Variants in CMIP observed in about 807,000 individuals in gnomAD.
CMIP encodes the protein c-Maf inducing protein.
A neutral mutation model predicts 97.3 loss-of-function variants in CMIP; 13 were observed. That is an observed-to-expected ratio of 0.13 (90% CI 0.09 to 0.21). CMIP has a LOEUF of 0.21. CMIP is among the 10% of genes least tolerant of loss of function. CMIP has a pLI of 1.00. For synonymous variants in CMIP, 538 were observed against 436.3 expected, an observed-to-expected ratio of 1.23 and a Z score of -2.91; for missense variants, 847 against 1,024.9, an observed-to-expected ratio of 0.83 and a Z score of 2.37.
At chr16:81,513,267 T>A (rs1047616689) in intron 1 of CMIP, among the ~76,000 whole-genome samples, 23 of 152,250 alleles carry the variant, frequency 1.5e-4, no homozygotes, top group African/African-American at 5.5e-4. Flanking sequence ...AGTGTGGGGC[T>A]TCCTGCCAGC....
At chr16:81,481,275 C>G (rs1379118730) in intron 1 of CMIP, among the ~76,000 whole-genome samples, 1 of 152,236 alleles carries the variant, frequency 6.6e-6, no homozygotes, top group African/African-American at 2.4e-5. Context: ...GTGTCACCCT[C>G]ATCTGGGTGT....
intron 11 of CMIP, among the ~76,000 whole-genome samples, chr16:81,692,440 G>C (rs999930913): frequency 6.6e-6 from 1 of 152,198 alleles, no homozygotes; most frequent in East Asian, 1.9e-4. Flanking sequence ...TGAAGAGAAG[G>C]CTTTGTCAAA....
chr16:81,488,073 A>G (rs1348373816), intron 1 of CMIP, among the ~76,000 whole-genome samples: 1 of 147,980 alleles, frequency 6.8e-6, no homozygotes, highest in Non-Finnish European at 1.5e-5. Flanking sequence ...ATTGTTGGCA[A>G]GACGCCGTTT....
rs1378361368 is a variant in CMIP, at chr16:81,504,390, C to T, written c.300+58849C>T. Among the ~76,000 whole-genome samples the T allele has an allele frequency of 2.0e-5, 3 of 151,804 alleles. No homozygotes were observed. The East Asian group carries it at 5.8e-4, about 29-fold the overall frequency. On this transcript the variant is annotated intron_variant, in intron 1 of 20. Coordinates refer to ENST00000537098, the MANE Select transcript of CMIP (RefSeq NM_198390.3). Reference sequence around the variant, plus strand: ...GGGCACCATGGCTCATGCCTGTAATCTTAGCACTTTGGGAGGCCAAGGCAG... The same window carrying T: ...GGGCACCATGGCTCATGCCTGTAATTTTAGCACTTTGGGAGGCCAAGGCAG...
intron 1 of CMIP, among the ~76,000 whole-genome samples, chr16:81,584,695 C>A (rs970575431): frequency 3.3e-5 from 5 of 152,210 alleles, no homozygotes; most frequent in African/African-American, 1.2e-4. Context: ...CCGGCGCCGT[C>A]CATCATCCGA....
At chr16:81,635,819 G>A (rs1438738112) in intron 3 of CMIP, among the ~76,000 whole-genome samples, 1 of 152,066 alleles carries the variant, frequency 6.6e-6, no homozygotes, top group Non-Finnish European at 1.5e-5. Flanking sequence ...TTCCTGCTGT[G>A]GCATTAAGCT....
intron 13 of CMIP, among the ~76,000 whole-genome samples, chr16:81,694,044 G>C (rs774016733): frequency 6.6e-6 from 1 of 152,224 alleles, no homozygotes; most frequent in Non-Finnish European, 1.5e-5. Flanking sequence ...CGCATCATCT[G>C]ATAGTAACAG....
At chr16:81,680,502 G>A (rs1430005683) in intron 10 of CMIP, among the ~76,000 whole-genome samples, 1 of 152,240 alleles carries the variant, frequency 6.6e-6, no homozygotes, top group Non-Finnish European at 1.5e-5. Flanking sequence ...CTCTGCCCTG[G>A]CTTTGGCCCC....
chr16:81,515,556 AG>A (rs1251661210), intron 1 of CMIP, among the ~76,000 whole-genome samples: 1 of 152,172 alleles, frequency 6.6e-6, no homozygotes, highest in African/African-American at 2.4e-5. Flanking sequence ...GTGTTTCGTC[AG>A]CCCAAGAGCA....
chr16:81,705,330 C>G (rs1908007457), intron 18 of CMIP, among the ~76,000 whole-genome samples, 169 bp from the exon 19 acceptor site: 3 of 152,226 alleles, frequency 2.0e-5, no homozygotes, highest in Admixed American at 2.0e-4. Flanking sequence ...TTCAGAGAGG[C>G]GTGGGATTGT....
At chr16:81,657,966 C>T in intron 5 of CMIP, 150 bp downstream of exon 5, 1 of 622,988 alleles carries the variant, frequency 1.6e-6, no homozygotes, top group Admixed American at 3.3e-5. Context: ...CCGGACGCAC[C>T]TCCCTCTGCC....
chr16:81,667,741 CAGGA>C (rs1341798957), intron 7 of CMIP, among the ~76,000 whole-genome samples: 1 of 132,370 alleles, frequency 7.6e-6, no homozygotes, highest in African/African-American at 2.9e-5. Context: ...TTTTCTAACC[CAGGA>C]GGGAGGGAGG....
At chr16:81,508,620 A>C (rs1329083821) in intron 1 of CMIP, among the ~76,000 whole-genome samples, 1 of 152,242 alleles carries the variant, frequency 6.6e-6, no homozygotes. Flanking sequence ...AAATTCCTAG[A>C]AATGAAATGT....
chr16:81,638,380 C>T (rs549191619), intron 3 of CMIP, among the ~76,000 whole-genome samples: 72 of 152,296 alleles, frequency 4.7e-4, no homozygotes, highest in Non-Finnish European at 8.4e-4. Flanking sequence ...CAGCCCTCCC[C>T]CCAGAGCATC....
chr16:81,638,119 G>A (rs1272512639), intron 3 of CMIP, among the ~76,000 whole-genome samples: 3 of 152,134 alleles, frequency 2.0e-5, no homozygotes, highest in Non-Finnish European at 4.4e-5. Context: ...CCCTCACTCC[G>A]GTGTCTGCCT....
chr16:81,652,499 A>C lies in CMIP; in HGVS notation c.639+135A>C. 1.3e-6 allele frequency: 1 copy of C among 753,136 alleles called. No homozygotes were observed. The allele number at this position is 753,136 out of a possible 1,614,324, so 46.7% of individuals were successfully genotyped here. Reference sequence around the variant, plus strand: ...TGCCCTGCTGCCGAAGGAGGTGAGCAGTTGCCCACCCAGCCGTGTGTGGGA... The same window carrying C: ...TGCCCTGCTGCCGAAGGAGGTGAGCCGTTGCCCACCCAGCCGTGTGTGGGA... On this transcript the variant is annotated intron_variant, in intron 4 of 20. Transcript: ENST00000537098. This position sits in a 1 kb window ranked among gnomAD's most constrained non-coding sequence, Gnocchi z 5.2.
At chr16:81,664,519 C>T (rs1198905046) in intron 7 of CMIP, 170 bp downstream of exon 7, 2 of 570,090 alleles carry the variant, frequency 3.5e-6, no homozygotes, top group South Asian at 2.4e-5. Context: ...TTTTGTACAG[C>T]TTGTCCTCCA....
intron 1 of CMIP, among the ~76,000 whole-genome samples, chr16:81,581,649 G>C (rs1012850611): frequency 1.3e-5 from 2 of 152,134 alleles, no homozygotes; most frequent in Non-Finnish European, 2.9e-5. Flanking sequence ...ACCTAGAAGG[G>C]GAATAGCCGA....
chr16:81,610,381 C>T (rs751728226), intron 2 of CMIP: 10 of 985,626 alleles, frequency 1.0e-5, no homozygotes, highest in Non-Finnish European at 1.2e-5. Flanking sequence ...CCCCCTGATC[C>T]CGTGGACAGC....
Sources: allele counts gnomAD v4.1 joint callset (sites outside exome capture counted in the v4.1 genomes callset), GRCh38; gene constraint gnomAD v4.1.1; non-coding constraint Gnocchi (gnomAD v3.1); transcripts MANE v1.5; gene names NCBI Gene and HGNC (gene_info 2026-07-23, HGNC 2026-07-21).